Variants in CRISP1 observed in about 807,000 individuals in gnomAD.
CRISP1 encodes cysteine-rich secretory protein 1.
A neutral mutation model predicts 33.1 loss-of-function variants in CRISP1; 44 were observed. The ratio of observed to expected loss-of-function variants is 1.33; its 90% CI spans 1.05 to 1.71. The LOEUF is 1.71. Ranked by LOEUF, CRISP1 falls within the 40% of genes most tolerant of loss-of-function variation. The pLI, the probability that CRISP1 is intolerant of heterozygous loss-of-function variation, is 0.00. For missense variants in CRISP1, 390 were observed against 301.2 expected, an observed-to-expected ratio of 1.29 and a Z score of -2.18; for synonymous variants, 103 against 98.7, an observed-to-expected ratio of 1.04 and a Z score of -0.26.
intron 1 of CRISP1, among the ~76,000 whole-genome samples, chr6:49,876,840 T>C (rs1472066122): frequency 2.0e-5 from 3 of 151,630 alleles, no homozygotes; most frequent in African/African-American, 7.3e-5. Flanking sequence ...ATGATGAGAA[T>C]GCATGGACAC....
At chr6:49,843,122 T>C (rs1771046787) in intron 5 of CRISP1, among the ~76,000 whole-genome samples, 2 of 152,200 alleles carry the variant, frequency 1.3e-5, no homozygotes, top group Non-Finnish European at 2.9e-5. Context: ...AGTTGACTTA[T>C]ATAGGAAATA....
chr6:49,866,160 C>A (rs994131012), intron 1 of CRISP1, among the ~76,000 whole-genome samples: 3 of 151,996 alleles, frequency 2.0e-5, no homozygotes, highest in African/African-American at 7.2e-5. Flanking sequence ...ATTGTCCCTA[C>A]GTGAAAAAAT....
intron 6 of CRISP1, among the ~76,000 whole-genome samples, chr6:49,839,306 T>C (rs1420552093): frequency 6.9e-6 from 1 of 144,744 alleles, no homozygotes; most frequent in African/African-American, 2.6e-5. Flanking sequence ...AAAAAATTAG[T>C]TAGGCCTGGT....
intron 1 of CRISP1, among the ~76,000 whole-genome samples, chr6:49,858,948 T>C (rs994889187): frequency 1.3e-5 from 2 of 151,758 alleles, no homozygotes; most frequent in African/African-American, 4.8e-5. Context: ...ATGAAACACC[T>C]AAAGCAAAAA....
intron 1 of CRISP1, among the ~76,000 whole-genome samples, chr6:49,863,454 TTAGCATCAA>T (rs1285900324): frequency 6.6e-6 from 1 of 152,194 alleles, no homozygotes; most frequent in African/African-American, 2.4e-5. Context: ...TTCATTGGCT[TTAGCATCAA>T]TTCCTTCTTA....
At chr6:49,870,081 T>C (rs1366227584), upstream of CRISP1, among the ~76,000 whole-genome samples, 1 of 152,142 alleles carries the variant, frequency 6.6e-6, no homozygotes, top group African/African-American at 2.4e-5. Flanking sequence ...CATTACCCAG[T>C]CTAAGGTATT....
At chr6:49,875,926 C>T (rs1018259134) in intron 1 of CRISP1, among the ~76,000 whole-genome samples, 1 of 152,014 alleles carries the variant, frequency 6.6e-6, no homozygotes, top group Non-Finnish European at 1.5e-5. Flanking sequence ...AAACGTCAAA[C>T]CCCAAACTAC....
chr6:49,856,661 T>A (rs1771505616), intron 2 of CRISP1, among the ~76,000 whole-genome samples: 1 of 152,202 alleles, frequency 6.6e-6, no homozygotes, highest in African/African-American at 2.4e-5. Flanking sequence ...TCATTTTCTA[T>A]ACCAAAGTTA....
chr6:49,845,518 T>C (rs976083100), intron 5 of CRISP1, among the ~76,000 whole-genome samples: 5 of 152,216 alleles, frequency 3.3e-5, no homozygotes, highest in African/African-American at 1.2e-4. Flanking sequence ...TGTAAATTGC[T>C]GGTGGGAACG....
rs2127466540 is a variant in CRISP1 at position 49,834,408 on chromosome 6, T to G, written c.*908A>C. On this transcript the variant is annotated 3_prime_UTR_variant, in exon 8 of 8. Coordinates refer to ENST00000335847, the MANE Select transcript of CRISP1 (RefSeq NM_001131.3). ...CAGGCCCTTCAATATTCCCTAAGGC[T>G]TCAGTGCATTTTACGTTAGTTGGCC... The G allele has an allele frequency of 6.6e-6, 1 of 152,280 alleles. No homozygotes were observed. The highest frequency in any genetic ancestry group is 2.4e-5 in the African/African-American group (1 of 41,570). 9.4% of individuals were successfully genotyped at this position (152,280 alleles called of 1,614,324 possible). A position where few individuals can be genotyped will look rare whatever the true frequency, so the allele number is the denominator to read the frequency against.
chr6:49,870,589 G>A (rs114338424), upstream of CRISP1, among the ~76,000 whole-genome samples: 23 of 152,272 alleles, frequency 1.5e-4, no homozygotes, highest in African/African-American at 5.3e-4. Flanking sequence ...CGAAGTCAAG[G>A]TCAAGAGAGC....
chr6:49,871,287 A>C (rs1771917539), upstream of CRISP1, among the ~76,000 whole-genome samples: 1 of 152,114 alleles, frequency 6.6e-6, no homozygotes, highest in African/African-American at 2.4e-5. Flanking sequence ...TAATTGCCCT[A>C]CTGGAACAGA....
At chr6:49,840,788 A>C (rs183219803) in intron 6 of CRISP1, 110 bp downstream of exon 6, 162 of 746,496 alleles carry the variant, frequency 2.2e-4, no homozygotes, top group Non-Finnish European at 3.3e-4. Context: ...GCTCTTGTCT[A>C]TTATGAATAA....
chr6:49,847,558 C>T (rs1240140859), intron 4 of CRISP1, among the ~76,000 whole-genome samples: 2 of 152,096 alleles, frequency 1.3e-5, no homozygotes, highest in African/African-American at 2.4e-5. Flanking sequence ...TCACCAAAAG[C>T]CAAGTAGATG....
In CRISP1 at chr6:49,860,828, T is replaced by C. The variant is rs114774834; in HGVS notation, c.-2-3426A>G. Among the ~76,000 whole-genome samples, 498 of 152,094 alleles carry C rather than the reference T, an allele frequency of 3.3e-3. 3 individuals are homozygous for C. Among genetic ancestry groups the C allele is most frequent in the African/African-American group, 0.011 (473 of 41,548 alleles). Reference sequence around the variant, plus strand: ...TACAAAGGATAAAAAAATGTTGATTTTTTGAAAATATAAACAAGACCAATA... The same window carrying C: ...TACAAAGGATAAAAAAATGTTGATTCTTTGAAAATATAAACAAGACCAATA... On this transcript the variant is annotated intron_variant, in intron 1 of 7. Transcript: ENST00000335847.
chr6:49,867,477 C>G (rs1771825619), upstream of CRISP1, among the ~76,000 whole-genome samples: 1 of 151,632 alleles, frequency 6.6e-6, no homozygotes, highest in South Asian at 2.1e-4. Flanking sequence ...TAAGAAAGGG[C>G]AATTGAATAT....
intron 6 of CRISP1, 94 bp downstream of exon 6, chr6:49,840,804 C>T: frequency 3.4e-6 from 3 of 891,804 alleles, no homozygotes; most frequent in East Asian, 2.6e-5. Context: ...AATAAAGTTG[C>T]TACAAACATT....
intron 2 of CRISP1, among the ~76,000 whole-genome samples, chr6:49,856,210 G>A (rs1490218474): frequency 6.6e-6 from 1 of 152,134 alleles, no homozygotes; most frequent in African/African-American, 2.4e-5. Flanking sequence ...ATCTGGGCCA[G>A]GCTGTTTCCC....
At chr6:49,864,638 T>C (rs1426020136) in intron 1 of CRISP1, among the ~76,000 whole-genome samples, 1 of 152,160 alleles carries the variant, frequency 6.6e-6, no homozygotes, top group Non-Finnish European at 1.5e-5. Flanking sequence ...CAGTTTTTAA[T>C]TTATATTTGT....
Sources: allele counts gnomAD v4.1 joint callset (sites outside exome capture counted in the v4.1 genomes callset), GRCh38; gene constraint gnomAD v4.1.1; transcripts MANE v1.5; gene names NCBI Gene and HGNC (gene_info 2026-07-23, HGNC 2026-07-21).